Variants in ABLIM1 observed in about 807,000 individuals in gnomAD.
ABLIM1 encodes actin binding LIM protein 1, also known as actin-binding LIM protein 1.
In ABLIM1, 40 loss-of-function variants were observed where a neutral mutation model predicts 107.0. The ratio of observed to expected loss-of-function variants is 0.37; its 90% CI spans 0.29 to 0.49. ABLIM1 has a LOEUF of 0.49. ABLIM1 is among the 20% of genes least tolerant of loss of function. ABLIM1 has a pLI of 0.97. For missense variants in ABLIM1, 857 were observed against 1,008.5 expected (o/e 0.85, Z 2.04); for synonymous variants, 357 against 357.3 (o/e 1.00, Z 0.01).
chr10:114,772,124 C>G (rs557075834), upstream of ABLIM1, among the ~76,000 whole-genome samples: 1 of 151,954 alleles, frequency 6.6e-6, no homozygotes, highest in African/African-American at 2.4e-5. Flanking sequence ...CTTTATAATA[C>G]CTACTATGTA....
chr10:114,680,195 G>T (rs914731386), intron 1 of ABLIM1, among the ~76,000 whole-genome samples: 2 of 152,126 alleles, frequency 1.3e-5, no homozygotes, highest in African/African-American at 4.8e-5. Context: ...TTACGCGGGA[G>T]GCACTGTGCC....
intron 1 of ABLIM1, among the ~76,000 whole-genome samples, chr10:114,649,206 T>C (rs1406225761): frequency 1.3e-5 from 2 of 151,724 alleles, no homozygotes; most frequent in African/African-American, 4.8e-5. Flanking sequence ...AAGACCAGCT[T>C]TGGCCAACAT....
chr10:114,787,080 AG>A, the ABLIM1 span, among the ~76,000 whole-genome samples: 1 of 147,618 alleles, frequency 6.8e-6, no homozygotes, highest in Non-Finnish European at 1.5e-5. Flanking sequence ...CATCCCATCT[AG>A]GAAGTGAGGA....
chr10:114,465,302 C>G (rs2064918296), intron 12 of ABLIM1, among the ~76,000 whole-genome samples: 1 of 151,690 alleles, frequency 6.6e-6, no homozygotes, highest in South Asian at 2.1e-4. Context: ...AAACATAATC[C>G]AGCTGTTAAA....
At chr10:114,533,962 G>A (rs888176604) in intron 6 of ABLIM1, among the ~76,000 whole-genome samples, 1 of 152,172 alleles carries the variant, frequency 6.6e-6, no homozygotes, top group Non-Finnish European at 1.5e-5. Context: ...ACAAGCATGA[G>A]CTACCACATC....
At chr10:114,689,286 CAAT>C (rs1177059666), upstream of ABLIM1, among the ~76,000 whole-genome samples, 1 of 151,966 alleles carries the variant, frequency 6.6e-6, no homozygotes, top group Non-Finnish European at 1.5e-5. Context: ...TAAAATGGGC[CAAT>C]AATACCCATC....
At chr10:114,749,483 C>CACACACACACACACAT (rs540676948) in intron 1 of ABLIM1, among the ~76,000 whole-genome samples, 2 of 150,584 alleles carry the variant, frequency 1.3e-5, no homozygotes, top group African/African-American at 2.5e-5. Context: ...CACACACACA[C>CACACACACACACACAT]ACCACAAAAC....
intron 1 of ABLIM1, among the ~76,000 whole-genome samples, chr10:114,640,681 A>G (rs1046438691): frequency 2.0e-5 from 3 of 152,218 alleles, no homozygotes; most frequent in African/African-American, 7.2e-5. Flanking sequence ...CAGTGATTCC[A>G]TTGAGTTAAA....
the ABLIM1 span, among the ~76,000 whole-genome samples, chr10:114,786,167 AT>A: frequency 6.6e-6 from 1 of 152,308 alleles, no homozygotes; most frequent in African/African-American, 2.4e-5. Context: ...TTTGCAGATC[AT>A]TTAATTGTCT....
intron 1 of ABLIM1, among the ~76,000 whole-genome samples, chr10:114,694,510 C>G (rs1275588753): frequency 2.0e-5 from 3 of 152,170 alleles, no homozygotes; most frequent in African/African-American, 7.2e-5. Context: ...TCCTGGTTTA[C>G]CACTCACTAG....
At chr10:114,693,826 C>CTTTTT (rs5788078) in intron 1 of ABLIM1, among the ~76,000 whole-genome samples, 1 of 134,056 alleles carries the variant, frequency 7.5e-6, no homozygotes, top group African/African-American at 2.8e-5. Context: ...TTTAAAAAAA[C>CTTTTT]TTTTTTTTTT....
intron 1 of ABLIM1, among the ~76,000 whole-genome samples, chr10:114,759,998 C>T (rs1056320415): frequency 1.3e-5 from 2 of 152,164 alleles, no homozygotes; most frequent in South Asian, 4.1e-4. Flanking sequence ...ACCACAAATT[C>T]TAATGTCCTT....
chr10:114,653,783 C>T (rs1013691688), intron 1 of ABLIM1, among the ~76,000 whole-genome samples: 2 of 152,112 alleles, frequency 1.3e-5, no homozygotes, highest in Non-Finnish European at 2.9e-5. Flanking sequence ...TATATTTTTG[C>T]GGAAGCTATT....
chr10:114,794,992 C>T, the ABLIM1 span, among the ~76,000 whole-genome samples: 122 of 152,218 alleles, frequency 8.0e-4, 1 homozygote, highest in Middle Eastern at 3.4e-3. Context: ...AGCTTGAACA[C>T]ACTTGAGATT....
chr10:114,440,002 G>A, intron 20 of ABLIM1, 80 bp downstream of exon 20: 1 of 1,609,572 alleles, frequency 6.2e-7, no homozygotes, highest in South Asian at 1.1e-5. Context: ...AGAAACTGTT[G>A]CCTTGGAGCC....
intron 1 of ABLIM1, among the ~76,000 whole-genome samples, chr10:114,692,360 C>T (rs1270525486): frequency 6.6e-6 from 1 of 152,242 alleles, no homozygotes; most frequent in Non-Finnish European, 1.5e-5. Flanking sequence ...CTCCTTTCAA[C>T]TTTTGTCTCT....
chr10:114,598,623 A>G (rs1378453448), intron 2 of ABLIM1, among the ~76,000 whole-genome samples: 1 of 151,894 alleles, frequency 6.6e-6, no homozygotes, highest in East Asian at 1.9e-4. Context: ...AAACAAACAA[A>G]AAAAGAAATG....
chr10:114,494,127 A>G (rs2059375354), intron 6 of ABLIM1, among the ~76,000 whole-genome samples: 1 of 152,246 alleles, frequency 6.6e-6, no homozygotes. Flanking sequence ...TCAGTTTATG[A>G]TAAAGGTAAT....
chr10:114,722,494 T>C (rs2081870214), intron 1 of ABLIM1, among the ~76,000 whole-genome samples: 1 of 152,226 alleles, frequency 6.6e-6, no homozygotes, highest in African/African-American at 2.4e-5. Flanking sequence ...CTATATCACA[T>C]GTCTAGTCAT....
Sources: allele counts gnomAD v4.1 joint callset (sites outside exome capture counted in the v4.1 genomes callset), GRCh38; gene constraint gnomAD v4.1.1; transcripts MANE v1.5; gene names NCBI Gene and HGNC (gene_info 2026-07-23, HGNC 2026-07-21).